Variants in DNAH17 observed in about 807,000 individuals in gnomAD.
DNAH17 encodes the protein axonemal beta dynein heavy chain 17.
A neutral mutation model predicts 485.6 loss-of-function variants in DNAH17; 376 were observed. That is an observed-to-expected ratio of 0.77 (90% CI 0.71 to 0.84). DNAH17 has a LOEUF of 0.84. Ranked by LOEUF, DNAH17 falls within the 40% of genes least tolerant of loss-of-function variation. The pLI is 0.00. For synonymous variants in DNAH17, 3,031 were observed against 2,405.9 expected (o/e 1.26, Z -7.60); for missense variants, 6,370 against 5,839.3 (o/e 1.09, Z -2.96).
intron 72 of DNAH17, among the ~76,000 whole-genome samples, chr17:78,440,245 T>C (rs184299730): frequency 5.3e-4 from 6 of 11,414 alleles, no homozygotes; most frequent in Non-Finnish European, 7.2e-4. Flanking sequence ...GACTTCATGC[T>C]TTTTTTTTTT....
intron 32 of DNAH17, 62 bp downstream of exon 32, chr17:78,502,824 G>C (rs992253488): frequency 1.9e-6 from 3 of 1,593,494 alleles, no homozygotes; most frequent in Non-Finnish European, 2.6e-6. Flanking sequence ...GCCCATGAAC[G>C]CAAAGAAACT....
chr17:78,445,627 C>T lies in DNAH17; in HGVS notation c.11265G>A (p.Arg3755=), dbSNP rs769016709. The T allele has an allele frequency of 5.1e-6, 8 of 1,569,730 alleles. No homozygotes were observed. In the Admixed American group the frequency reaches 1.5e-4, roughly 30 times the overall value. ...AGACCACTCCGGCCTTAAAAGGGAACCGCAGGAGGAAATCCAGCTCCACTG... is the reference window on the plus strand; with the variant it reads ...AGACCACTCCGGCCTTAAAAGGGAATCGCAGGAGGAAATCCAGCTCCACTG... ...LNPVELDFLL[R]FPFKAGVVSP... is the part of the protein sequence containing the mutation. Residue 3755 remains arginine (R), a synonymous_variant, in exon 70 of 81, where the codon CGG becomes CGA. Transcript: ENST00000389840.
rs772774641 is a variant in DNAH17 at position 78,566,630 on chromosome 17, A to G, written c.1553T>C (p.Ile518Thr). Residue 518 changes from isoleucine to threonine, a missense_variant, in exon 11 of 81, where the codon ATC (isoleucine) becomes ACC (threonine). By Grantham distance (89) the Ile-to-Thr change is moderately conservative (BLOSUM62 -1). Transcript: ENST00000389840. ...FCQGFDDCSCIKSSAKLLYMC... is the reference protein window; with the variant it reads ...FCQGFDDCSCTKSSAKLLYMC... ...CATGCTTACCTTTGCGGAGGACTTG[A>G]TACAGCTGCAGTCATCAAATCCTTG... The G allele has an allele frequency of 1.2e-5, 20 of 1,607,760 alleles. No homozygotes were observed. Among genetic ancestry groups the G allele is most frequent in the Non-Finnish European group, 1.6e-5 (19 of 1,177,066 alleles).
chr17:78,485,908 C>A lies in DNAH17; in HGVS notation c.7275+52G>T, dbSNP rs113582926. On this transcript the variant is annotated intron_variant, in intron 46 of 80. Coordinates refer to ENST00000389840, the MANE Select transcript of DNAH17 (RefSeq NM_173628.4). ...TGCAGGCGTGTGGAGGGTACTGCAC[C>A]GATTCCTGCCTCTAAATCACCAGTC... 3.1e-6 allele frequency: 5 copies of A among 1,593,782 alleles called. No individual in the cohort carries two copies. In the East Asian group the frequency reaches 6.7e-5, roughly 21 times the overall value.
intron 1 of DNAH17, among the ~76,000 whole-genome samples, chr17:78,576,968 G>A (rs1321033618): frequency 6.6e-6 from 1 of 152,192 alleles, no homozygotes; most frequent in Admixed American, 6.5e-5. Flanking sequence ...CGGCTTCTCT[G>A]GGAGGTGGCC....
At chr17:78,554,289 A>T (rs2091970790) in intron 14 of DNAH17, among the ~76,000 whole-genome samples, 1 of 151,852 alleles carries the variant, frequency 6.6e-6, no homozygotes, top group South Asian at 2.1e-4. Flanking sequence ...AAAATACAAA[A>T]ATTAGCCCGG....
chr17:78,472,481 G>A (rs9911422), intron 54 of DNAH17, among the ~76,000 whole-genome samples: 5,798 of 152,220 alleles, frequency 0.038, 343 homozygotes, highest in African/African-American at 0.13. Context: ...CTGGCGGGGA[G>A]GCGGGGACCT....
chr17:78,576,938 T>C (rs891849903), intron 1 of DNAH17, among the ~76,000 whole-genome samples: 1 of 152,112 alleles, frequency 6.6e-6, no homozygotes, highest in East Asian at 1.9e-4. Context: ...TCCCAGGCCA[T>C]GCTTCCGGAG....
chr17:78,439,968 C>T (rs1245500320), intron 72 of DNAH17, among the ~76,000 whole-genome samples: 3 of 151,928 alleles, frequency 2.0e-5, no homozygotes, highest in African/African-American at 7.3e-5. Context: ...CTGTGGCTGG[C>T]CTCACTTTTT....
rs1386829276 is a variant in DNAH17 at position 78,529,497 on chromosome 17, G to A, written c.3482C>T (p.Pro1161Leu). ...ELLKTYGEEM[P>L]EEIHLKLQEL... ...CTGCAGCTTCAAGTGGATCTCCTCT[G>A]GCATCTCCTCCCCGTAGGTCTTGAG... The change falls in exon 22 of 81, where the codon CCA (proline) becomes CTA (leucine). Residue 1161 changes from proline (P) to leucine (L), a missense_variant. Transcript: ENST00000389840. 1 of 1,613,852 alleles carries A rather than the reference G, an allele frequency of 6.2e-7. No homozygotes were observed. The highest frequency in any genetic ancestry group is 8.5e-7 in the Non-Finnish European group (1 of 1,179,858).
At chr17:78,424,477 A>G in intron 80 of DNAH17, 1 of 320,632 alleles carries the variant, frequency 3.1e-6, no homozygotes, top group Admixed American at 4.5e-5. Flanking sequence ...TAAAAATTAC[A>G]GAGTAAAGTT....
chr17:78,526,632 C>T lies in DNAH17; in HGVS notation c.3711+19G>A. 4 of 1,580,100 alleles carry T rather than the reference C, an allele frequency of 2.5e-6. No individual in the cohort carries two copies. The highest frequency in any genetic ancestry group is 3.4e-6 in the Non-Finnish European group (4 of 1,159,730). On this transcript the variant is annotated intron_variant, in intron 24 of 80. Transcript: ENST00000389840. ...GGTTCCCAGACTTACCCCCTGATCT[C>T]ACCCTTGAGCAAAAATACCTTATTC...
At position 78,513,192 on chromosome 17, in the gene DNAH17, C is replaced by T. The variant is rs183825819; in HGVS notation, c.4113+1582G>A. Among the ~76,000 whole-genome samples, 6 of 152,202 alleles carry T rather than the reference C, an allele frequency of 3.9e-5. No individual in the cohort carries two copies. In the East Asian group the frequency reaches 5.8e-4, roughly 15 times the overall value. On this transcript the variant is annotated intron_variant, in intron 26 of 80. Transcript: ENST00000389840. ...AGGCTGGGGGACAGGCCTCATTATACCCCCCTCCCTTTGGGATTCAGGCAC... is the reference window on the plus strand; with the variant it reads ...AGGCTGGGGGACAGGCCTCATTATATCCCCCTCCCTTTGGGATTCAGGCAC...
intron 17 of DNAH17, among the ~76,000 whole-genome samples, chr17:78,543,044 C>G (rs1338185303): frequency 4.6e-5 from 7 of 152,206 alleles, no homozygotes; most frequent in Non-Finnish European, 1.0e-4. Context: ...TAAGAGGAAC[C>G]AGGCTTGGAA....
chr17:78,531,337 CTT>C (rs35874440), intron 20 of DNAH17, among the ~76,000 whole-genome samples: 3,329 of 122,146 alleles, frequency 0.027, 67 homozygotes, highest in East Asian at 0.11. Context: ...TAAAGTCTGT[CTT>C]TTTTTTTTTT....
intron 57 of DNAH17, among the ~76,000 whole-genome samples, chr17:78,462,264 G>A (rs2088170259): frequency 7.5e-6 from 1 of 133,962 alleles, no homozygotes; most frequent in South Asian, 2.9e-4. Context: ...AGGGGGGTGG[G>A]GGGGTGGGGG....
intron 14 of DNAH17, among the ~76,000 whole-genome samples, chr17:78,554,171 G>A (rs1288812960): frequency 6.6e-6 from 1 of 152,122 alleles, no homozygotes; most frequent in African/African-American, 2.4e-5. Context: ...ATGGATCAGT[G>A]TTAACAATAG....
intron 1 of DNAH17, among the ~76,000 whole-genome samples, 198 bp downstream of exon 1, chr17:78,577,097 G>A (rs752810): frequency 0.32 from 48,809 of 151,958 alleles, 8,426 homozygotes; most frequent in East Asian, 0.59. Context: ...GCCCTGGAAG[G>A]GGTCAGGCTG....
At chr17:78,561,011 G>A (rs766979683) in intron 12 of DNAH17, 76 bp from the exon 13 acceptor site, 51 of 1,412,954 alleles carry the variant, frequency 3.6e-5, no homozygotes, top group Non-Finnish European at 4.7e-5. Context: ...CATCGTTGCT[G>A]CCCGATCTGG....
Sources: gnomAD v4.1 joint callset for allele counts (sites outside exome capture counted in the v4.1 genomes callset) on GRCh38, gnomAD v4.1.1 for gene constraint, MANE v1.5 for transcripts, NCBI Gene and HGNC (gene_info 2026-07-23, HGNC 2026-07-21) for gene names.